The following PPRC1 variants were observed in gnomAD, a reference collection of about 807,000 sequenced individuals.
The protein encoded by PPRC1 is peroxisome proliferator-activated receptor gamma coactivator-related protein 1.
A neutral mutation model predicts 132.5 loss-of-function variants in PPRC1; 23 were observed. The ratio of observed to expected loss-of-function variants is 0.17; its 90% CI spans 0.12 to 0.25. The LOEUF is 0.25. Among genes scored for constraint, PPRC1 ranks in the 10% least tolerant of loss-of-function variants. The probability of loss-of-function intolerance (pLI) is 1.00; values close to 1 mark genes in which losing one functional copy is unlikely to be tolerated. For missense variants in PPRC1, 2,006 were observed against 2,089.1 expected (o/e 0.96, Z 0.78); for synonymous variants, 872 against 833.5 (o/e 1.05, Z -0.80).
Position 102,139,626 on chromosome 10 carries a change from G to A in PPRC1, c.1118G>A (p.Arg373Gln), listed in dbSNP as rs764624538. 29 of 1,613,856 alleles carry A rather than the reference G, an allele frequency of 1.8e-5. No individual in the cohort carries two copies. The highest frequency in any genetic ancestry group is 9.3e-5 in the African/African-American group (7 of 74,934). The part of the protein sequence containing the change: ...VVVRQVSPGP[R>Q]PVLLDDSLET... ...GTGCGACAGGTCTCTCCTGGACCCC[G>A]GCCTGTGCTCCTGGATGACTCGCTA... Residue 373 changes from arginine (R) to glutamine (Q), a missense_variant, in exon 5 of 14, where the codon CGG (arginine) becomes CAG (glutamine). Physicochemically the swap from Arg to Gln is conservative, Grantham distance 43. Coordinates refer to ENST00000278070, the MANE Select transcript of PPRC1 (RefSeq NM_015062.5).
chr10:102,139,187 C>A lies in PPRC1; in HGVS notation c.679C>A (p.Pro227Thr). Residue 227 changes from proline to threonine, a missense_variant, in exon 5 of 14, where the codon CCC (proline) becomes ACC (threonine). Physicochemically the swap from Pro to Thr is conservative, Grantham distance 38 (BLOSUM62 -1). Transcript: ENST00000278070. ...TSSPKLPSWR[P>T]PRSRPRWGQS... is the part of the protein sequence containing the mutation. ...TTCCCCCAAGCTTCCTAGCTGGAGA[C>A]CCCCAAGATCAAGACCACGCTGGGG... 6.2e-7 allele frequency: 1 copy of A among 1,614,110 alleles called. No individual in the cohort carries two copies. The highest frequency in any genetic ancestry group is 8.5e-7 in the Non-Finnish European group (1 of 1,179,944).
the PPRC1 span, among the ~76,000 whole-genome samples, chr10:102,127,612 TAGTC>T: frequency 6.6e-6 from 1 of 152,022 alleles, no homozygotes; most frequent in Non-Finnish European, 1.5e-5. Flanking sequence ...TTCACTGTGT[TAGTC>T]AGGGTAGTCT....
intron 1 of PPRC1, 36 bp from the exon 2 acceptor site, chr10:102,137,814 G>A (rs748944130): frequency 1.3e-6 from 2 of 1,584,228 alleles, no homozygotes; most frequent in African/African-American, 2.7e-5. Context: ...TGCTGCCAGA[G>A]AGCTCATACC....
rs1323677365 is a variant in PPRC1, at chr10:102,139,776, A to T, written c.1268A>T (p.Asp423Val). The stretch of plus-strand genomic sequence containing the variant: ...TCATTGAACTCAGAGGAGAAGCTGG[A>T]CTCAGCCTGCTTATTGAAGCCCAGG... ...GLSLNSEEKL[D>V]SACLLKPREV... is the part of the protein sequence containing the mutation. The change falls in exon 5 of 14, where the codon GAC becomes GTC. Residue 423 changes from aspartate to valine, a missense_variant. Around this residue, in one of 2 missense-constraint regions of PPRC1, gnomAD observed 1,914 missense variants for 1,917.2 expected, o/e 1.00. Coordinates refer to ENST00000278070, the MANE Select transcript of PPRC1 (RefSeq NM_015062.5). 1.2e-6 allele frequency: 2 copies of T among 1,614,140 alleles called. No individual in the cohort carries two copies. The highest frequency in any genetic ancestry group is 2.2e-5 in the South Asian group (2 of 91,080).
intron 6 of PPRC1, 92 bp downstream of exon 6, chr10:102,143,190 G>C: frequency 8.0e-7 from 1 of 1,257,604 alleles, no homozygotes; most frequent in Non-Finnish European, 1.1e-6. Context: ...GGGTGAGAGG[G>C]GACAGCCTTA....
At chr10:102,123,587 G>T in the PPRC1 span, among the ~76,000 whole-genome samples, 1 of 152,104 alleles carries the variant, frequency 6.6e-6, no homozygotes, top group Non-Finnish European at 1.5e-5. Context: ...GAGTGCAGTG[G>T]TGCAATCTCA....
Position 102,149,335 on chromosome 10 carries a change from TGGAG to T in PPRC1, c.4891+13_4891+16del, listed in dbSNP as rs1564961064. ...GAGGAGCTATTCTGATCTTGGTGAG[TGGAG>T]GGAGGGCCTAAAGCTTTGGAATGCT... On this transcript the variant is annotated splice_region_variant and intron_variant, in intron 13 of 13. Transcript: ENST00000278070. 1 of 1,572,592 alleles carries T rather than the reference TGGAG, an allele frequency of 6.4e-7. No homozygotes were observed. Among genetic ancestry groups the T allele is most frequent in the Non-Finnish European group, 8.6e-7 (1 of 1,157,130 alleles).
chr10:102,138,788 G>A (rs1204729453), intron 3 of PPRC1, 23 bp downstream of exon 3: 1 of 1,614,076 alleles, frequency 6.2e-7, no homozygotes, highest in South Asian at 1.1e-5. Context: ...CCAGGGGAAG[G>A]GGATTAGTAC....
At position 102,148,872 on chromosome 10, in the gene PPRC1, A is replaced by C; in HGVS notation, c.4673A>C (p.Glu1558Ala). 6.2e-7 allele frequency: 1 copy of C among 1,614,198 alleles called. No individual in the cohort carries two copies. The highest frequency in any genetic ancestry group is 8.5e-7 in the Non-Finnish European group (1 of 1,180,030). ...GKIPGRMTRSELKQRFSVFGE... is the reference protein window; with the variant it reads ...GKIPGRMTRSALKQRFSVFGE... ...ATACCTGGCCGCATGACTCGATCAG[A>C]GCTGAAACAGAGGTTCTCCGTTTTT... The change falls in exon 12 of 14, where the codon GAG (glutamate) becomes GCG (alanine). Residue 1558 changes from glutamate (E) to alanine (A), a missense_variant. Transcript: ENST00000278070. This position sits in a 1 kb window ranked among gnomAD's most constrained non-coding sequence, Gnocchi z 4.2.
chr10:102,143,418 G>A (rs1283229396), intron 6 of PPRC1, among the ~76,000 whole-genome samples: 1 of 152,038 alleles, frequency 6.6e-6, no homozygotes, highest in Non-Finnish European at 1.5e-5. Flanking sequence ...GGCCAACATG[G>A]TGAAACCCCG....
rs769884934 is a variant in PPRC1, at chr10:102,147,333, G to A, written c.4341G>A (p.Ser1447=). ...AAGCATCTTCCTCATCCTCATCATC[G>A]TCTTCCTCATCCCGATCTCGGTCCA... ...TSEASSSSSS[S]SSSSRSRSRS... The change falls in exon 9 of 14, where the codon TCG becomes TCA. Residue 1447 remains serine, a synonymous_variant. Coordinates refer to ENST00000278070, the MANE Select transcript of PPRC1 (RefSeq NM_015062.5). 9.9e-6 allele frequency: 16 copies of A among 1,611,620 alleles called. No homozygotes were observed. The highest frequency in any genetic ancestry group is 1.6e-4 in the Middle Eastern group (1 of 6,062).
rs200761873 is a variant in PPRC1, at chr10:102,149,139, A to G, written c.4740-39A>G. 18 of 1,549,944 alleles carry G rather than the reference A, an allele frequency of 1.2e-5. No individual in the cohort carries two copies. In the East Asian group the frequency reaches 3.8e-4, roughly 33 times the overall value. On this transcript the variant is annotated intron_variant, in intron 12 of 13. Coordinates refer to ENST00000278070, the MANE Select transcript of PPRC1 (RefSeq NM_015062.5). ...TGTCTCCTCTATGGCATGGGCCCAT[A>G]TAGCCACTCCAGCCCCTGCCTCACT...
rs762350918 is a variant in PPRC1, at chr10:102,145,003, T to G, written c.3609-17T>G. On this transcript the variant is annotated splice_polypyrimidine_tract_variant and intron_variant, in intron 7 of 13. Transcript: ENST00000278070. ...AGAAGGCAATGAATCAGGCTTTCCCTTTTCCCCCCCCGCCAGCGGCGTTGA... is the reference window on the plus strand; with the variant it reads ...AGAAGGCAATGAATCAGGCTTTCCCGTTTCCCCCCCCGCCAGCGGCGTTGA... 3 of 1,440,314 alleles carry G rather than the reference T, an allele frequency of 2.1e-6. No individual in the cohort carries two copies. The highest frequency in any genetic ancestry group is 2.4e-5 in the East Asian group (1 of 42,126). The allele number at this position is 1,440,314 out of a possible 1,614,324, so 89.2% of individuals were successfully genotyped here. A position where few individuals can be genotyped will look rare whatever the true frequency, so the allele number is the denominator to read the frequency against.
At position 102,139,685 on chromosome 10, in the gene PPRC1, A is replaced by G; in HGVS notation, c.1177A>G (p.Thr393Ala). 1.2e-6 allele frequency: 2 copies of G among 1,614,118 alleles called. No individual in the cohort carries two copies. The highest frequency in any genetic ancestry group is 1.7e-6 in the Non-Finnish European group (2 of 1,180,040). ...TSSALQLLMP[T>A]LESETEAAVP... ...TTCTGCCTTGCAGCTGCTTATGCCT[A>G]CACTGGAGTCAGAGACAGAGGCTGC... is the stretch of plus-strand genomic sequence containing the variant. The change falls in exon 5 of 14, where the codon ACA (threonine) becomes GCA (alanine). Residue 393 changes from threonine (T) to alanine (A), a missense_variant. Coordinates refer to ENST00000278070, the MANE Select transcript of PPRC1 (RefSeq NM_015062.5).
chr10:102,137,252 T>G (rs1283949092), intron 1 of PPRC1, among the ~76,000 whole-genome samples: 1 of 152,028 alleles, frequency 6.6e-6, no homozygotes, highest in Non-Finnish European at 1.5e-5. Flanking sequence ...GGCAGGAGAA[T>G]CGCTTGAACC....
chr10:102,142,468 G>A (rs1347168085), intron 5 of PPRC1, among the ~76,000 whole-genome samples: 1 of 130,212 alleles, frequency 7.7e-6, no homozygotes, highest in Non-Finnish European at 1.6e-5. Context: ...GCCCAGGCTG[G>A]AGTGCAGTGG....
chr10:102,120,508 G>C, the PPRC1 span: 1 of 439,756 alleles, frequency 2.3e-6, no homozygotes, highest in Non-Finnish European at 3.0e-6. Context: ...GGGCAGGGCC[G>C]GGCTTTATTA....
chr10:102,148,757 C>T lies in PPRC1; in HGVS notation c.4618-60C>T. 2 of 1,614,100 alleles carry T rather than the reference C, an allele frequency of 1.2e-6. No individual in the cohort carries two copies. The highest frequency in any genetic ancestry group is 1.7e-6 in the Non-Finnish European group (2 of 1,179,948). On this transcript the variant is annotated intron_variant, in intron 11 of 13. Coordinates refer to ENST00000278070, the MANE Select transcript of PPRC1 (RefSeq NM_015062.5). This position sits in a 1 kb window ranked among gnomAD's most constrained non-coding sequence, Gnocchi z 4.2. Reference sequence around the variant, plus strand: ...CCCCCTGAGCCTTGAGCTCAGAGAGCTGCCTGCAGCTGTAGCCCTGGCTAA... The same window carrying T: ...CCCCCTGAGCCTTGAGCTCAGAGAGTTGCCTGCAGCTGTAGCCCTGGCTAA...
At position 102,140,865 on chromosome 10, in the gene PPRC1, C is replaced by T; in HGVS notation, c.2357C>T (p.Pro786Leu). 1.9e-6 allele frequency: 3 copies of T among 1,614,102 alleles called. No homozygotes were observed. The highest frequency in any genetic ancestry group is 2.5e-6 in the Non-Finnish European group (3 of 1,180,032). ...TGKWPSLPETPTGLADIPCLV... is the reference protein window; with the variant it reads ...TGKWPSLPETLTGLADIPCLV... Reference sequence around the variant, plus strand: ...AAGTGGCCTAGCCTTCCAGAGACTCCCACAGGGCTGGCAGACATCCCTTGT... The same window carrying T: ...AAGTGGCCTAGCCTTCCAGAGACTCTCACAGGGCTGGCAGACATCCCTTGT... Residue 786 changes from proline to leucine, a missense_variant, in exon 5 of 14, where the codon CCC becomes CTC. This residue lies in a region of PPRC1 where 1,914 missense variants were observed against 1,917.2 expected (regional missense o/e 1.00). Transcript: ENST00000278070.
Sources: gnomAD v4.1 joint callset for allele counts (sites outside exome capture counted in the v4.1 genomes callset) on GRCh38, gnomAD v4.1.1 for gene constraint, gnomAD v4.1.1 regional missense constraint, Gnocchi (gnomAD v3.1) non-coding constraint, MANE v1.5 for transcripts, NCBI Gene and HGNC (gene_info 2026-07-23, HGNC 2026-07-21) for gene names.